COX7B2: variants seen among roughly 807,000 people sequenced by gnomAD.
COX7B2 encodes the protein cytochrome c oxidase subunit 7B2.
For missense variants in COX7B2, 109 were observed against 95.9 expected (o/e 1.14, Z -0.57); for synonymous variants, 37 against 32.1 (o/e 1.15, Z -0.51).
intron 1 of COX7B2, among the ~76,000 whole-genome samples, chr4:46,872,560 T>C (rs555794477): frequency 6.6e-6 from 1 of 152,180 alleles, no homozygotes; most frequent in Non-Finnish European, 1.5e-5. Flanking sequence ...AAACTACAAT[T>C]TGGGGGCTTA....
intron 2 of COX7B2, among the ~76,000 whole-genome samples, chr4:46,747,185 C>T (rs1041931906): frequency 2.6e-5 from 4 of 152,114 alleles, no homozygotes; most frequent in Non-Finnish European, 4.4e-5. Flanking sequence ...AGTTATTTTT[C>T]CTAATCCTCT....
intron 2 of COX7B2, among the ~76,000 whole-genome samples, chr4:46,756,693 AT>A (rs1203145232): frequency 6.6e-6 from 1 of 152,120 alleles, no homozygotes; most frequent in Non-Finnish European, 1.5e-5. Flanking sequence ...ATATGAAAAA[AT>A]ATTCAACATC....
chr4:46,753,775 C>A (rs1431948068), intron 2 of COX7B2, among the ~76,000 whole-genome samples: 8 of 152,060 alleles, frequency 5.3e-5, no homozygotes, highest in East Asian at 1.9e-4. Context: ...AGTGAACAGG[C>A]AACCTACAGA....
At chr4:46,892,507 C>T (rs1313664032) in intron 1 of COX7B2, among the ~76,000 whole-genome samples, 1 of 152,106 alleles carries the variant, frequency 6.6e-6, no homozygotes, top group Non-Finnish European at 1.5e-5. Context: ...TTAATGACTT[C>T]CCCATCAGCT....
chr4:46,900,008 T>C (rs1051070842), intron 1 of COX7B2, among the ~76,000 whole-genome samples: 1 of 152,172 alleles, frequency 6.6e-6, no homozygotes, highest in South Asian at 2.1e-4. Context: ...AAATCTTTAA[T>C]TTCATTTCTC....
chr4:46,898,518 A>G (rs1042137140), intron 1 of COX7B2, among the ~76,000 whole-genome samples: 1 of 152,092 alleles, frequency 6.6e-6, no homozygotes, highest in Non-Finnish European at 1.5e-5. Context: ...CTTGGGCTCA[A>G]GCAATCCTTC....
chr4:46,777,609 TCA>T (rs1717228646), intron 2 of COX7B2, among the ~76,000 whole-genome samples: 2 of 152,120 alleles, frequency 1.3e-5, no homozygotes, highest in Admixed American at 1.3e-4. Context: ...AGAAAGGTAC[TCA>T]GTTCATCTGT....
chr4:46,830,504 G>A (rs1260013281), intron 2 of COX7B2, among the ~76,000 whole-genome samples: 2 of 152,020 alleles, frequency 1.3e-5, no homozygotes, highest in African/African-American at 2.4e-5. Flanking sequence ...ATGGTATATT[G>A]TGTTCATTAA....
At chr4:46,760,313 C>T (rs1031898653) in intron 2 of COX7B2, among the ~76,000 whole-genome samples, 2 of 151,996 alleles carry the variant, frequency 1.3e-5, no homozygotes, top group Non-Finnish European at 2.9e-5. Context: ...AACCCAAATG[C>T]CCATCAATGA....
At chr4:46,830,016 T>C (rs1714957839) in intron 2 of COX7B2, among the ~76,000 whole-genome samples, 1 of 152,004 alleles carries the variant, frequency 6.6e-6, no homozygotes, top group Non-Finnish European at 1.5e-5. Flanking sequence ...GAACCTGAAA[T>C]AGAATAGATA....
At chr4:46,893,608 T>C (rs1019589080) in intron 1 of COX7B2, among the ~76,000 whole-genome samples, 1 of 152,134 alleles carries the variant, frequency 6.6e-6, no homozygotes, top group African/African-American at 2.4e-5. Flanking sequence ...TTCAAAATGC[T>C]AGAGGCTTAT....
chr4:46,762,452 C>CTATATATACTATATACTGTATATATATAG lies in COX7B2; in HGVS notation c.-49-27212_-49-27211insCTATATATATACAGTATATAGTATATATA, dbSNP rs1560362337. On this transcript the variant is annotated intron_variant, in intron 2 of 2. Transcript: ENST00000355591. ...TTACTATATATACTGTATATATATA[C>CTATATATACTATATACTGTATATATATAG]TATATATAGTATATGTACTATATAT... 6.1e-5 allele frequency among the ~76,000 whole-genome samples: 8 copies of CTATATATACTATATACTGTATATATATAG among 132,124 alleles called. No homozygotes were observed. In the South Asian group the frequency reaches 1.6e-3, roughly 26 times the overall value. 86.7% of individuals were successfully genotyped at this position (132,124 alleles called of 152,430 possible).
At chr4:46,786,401 T>G in intron 2 of COX7B2, among the ~76,000 whole-genome samples, 1 of 152,206 alleles carries the variant, frequency 6.6e-6, no homozygotes, top group Non-Finnish European at 1.5e-5. Context: ...TGTTGTTGTT[T>G]TTGTTTTTGG....
chr4:46,834,983 A>G (rs1308007983), intron 2 of COX7B2, among the ~76,000 whole-genome samples: 2 of 152,194 alleles, frequency 1.3e-5, no homozygotes, highest in East Asian at 3.8e-4. Context: ...ATATAAACTG[A>G]TAATTCATAA....
At chr4:46,740,433 T>C (rs1714636465) in intron 2 of COX7B2, among the ~76,000 whole-genome samples, 2 of 152,086 alleles carry the variant, frequency 1.3e-5, no homozygotes, top group Admixed American at 1.3e-4. Context: ...ATAATGAAGA[T>C]CAATTCAGTT....
At chr4:46,756,306 A>T (rs1253851110) in intron 2 of COX7B2, among the ~76,000 whole-genome samples, 9 of 152,116 alleles carry the variant, frequency 5.9e-5, no homozygotes, top group Non-Finnish European at 1.2e-4. Context: ...CATAAAAATT[A>T]ACTCAAGATG....
chr4:46,808,067 T>C (rs977161196), intron 2 of COX7B2, among the ~76,000 whole-genome samples: 3 of 151,916 alleles, frequency 2.0e-5, no homozygotes, highest in Non-Finnish European at 4.4e-5. Context: ...AAGAACATTA[T>C]TGGAATTTTG....
intron 1 of COX7B2, among the ~76,000 whole-genome samples, chr4:46,881,024 T>C (rs1169331573): frequency 1.3e-5 from 2 of 149,810 alleles, no homozygotes; most frequent in East Asian, 4.0e-4. Flanking sequence ...CTTGGATTCA[T>C]TGATCTTTTG....
chr4:46,884,883 C>CTT (rs112432697), intron 1 of COX7B2, among the ~76,000 whole-genome samples: 2 of 141,664 alleles, frequency 1.4e-5, no homozygotes, highest in African/African-American at 5.1e-5. Context: ...GATCTGTTTG[C>CTT]TTTTTTTTTT....
Sources: allele counts gnomAD v4.1 joint callset (sites outside exome capture counted in the v4.1 genomes callset), GRCh38; gene constraint gnomAD v4.1.1; transcripts MANE v1.5; gene names NCBI Gene and HGNC (gene_info 2026-07-23, HGNC 2026-07-21).